The following NCR3LG1 variants were observed in gnomAD, a reference collection of about 807,000 sequenced individuals.
NCR3LG1 encodes the protein natural killer cell cytotoxicity receptor 3 ligand 1.
NCR3LG1 carries 35 observed loss-of-function variants against 34.8 expected under a neutral mutation model. The ratio of observed to expected loss-of-function variants is 1.01; its 90% CI spans 0.77 to 1.33. The LOEUF (loss-of-function observed/expected upper bound fraction) is 1.33, where lower values mean the gene tolerates loss of function less well. NCR3LG1 is among the 40% of genes most tolerant of loss of function. The pLI is 0.00. For missense variants in NCR3LG1, 452 were observed against 423.3 expected (o/e 1.07, Z -0.60); for synonymous variants, 173 against 163.6 (o/e 1.06, Z -0.44).
intron 2 of NCR3LG1, 67 bp downstream of exon 2, chr11:17,357,068 C>A (rs958402268): frequency 9.7e-7 from 1 of 1,032,284 alleles, no homozygotes; most frequent in Non-Finnish European, 1.4e-6. Flanking sequence ...AAAACCCACA[C>A]ACCTCTTTGA....
intron 1 of NCR3LG1, among the ~76,000 whole-genome samples, chr11:17,354,130 A>G (rs2139725115): frequency 6.6e-6 from 1 of 152,378 alleles, no homozygotes; most frequent in Non-Finnish European, 1.5e-5. Flanking sequence ...AGTTGAAAAG[A>G]GCAATTTGTA....
downstream of NCR3LG1, among the ~76,000 whole-genome samples, chr11:17,379,682 TC>T (rs1370892241): frequency 6.6e-6 from 1 of 152,196 alleles, no homozygotes; most frequent in African/African-American, 2.4e-5. Context: ...AAATCTGAGA[TC>T]AGCAGAGCTG....
rs1257084526 is a variant in NCR3LG1, at chr11:17,374,130, T to A, written c.*1618T>A. 6.6e-6 allele frequency: 1 copy of A among 152,180 alleles called. No individual in the cohort carries two copies. Among genetic ancestry groups the A allele is most frequent in the Non-Finnish European group, 1.5e-5 (1 of 68,034 alleles). 9.4% of individuals were successfully genotyped at this position (152,180 alleles called of 1,614,324 possible). ...AAATCCAATGGGGAAGGGAGACTAG[T>A]TCAGGACCTCTGCCTTATTCATGAG... is the stretch of plus-strand genomic sequence containing the variant. On this transcript the variant is annotated 3_prime_UTR_variant, in exon 5 of 5. Coordinates refer to ENST00000338965, the MANE Select transcript of NCR3LG1 (RefSeq NM_001202439.3).
At chr11:17,357,658 A>T (rs1459585125) in intron 2 of NCR3LG1, among the ~76,000 whole-genome samples, 1 of 13,508 alleles carries the variant, frequency 7.4e-5, no homozygotes, top group Admixed American at 9.5e-4. Context: ...CGGCCAACTG[A>T]CAGTGGCCGT....
chr11:17,380,020 A>G (rs921247500), downstream of NCR3LG1, among the ~76,000 whole-genome samples: 2 of 152,146 alleles, frequency 1.3e-5, no homozygotes, highest in African/African-American at 4.8e-5. Flanking sequence ...CCACTGACTG[A>G]GCAAGGCAGG....
At chr11:17,363,852 C>T (rs531190195) in intron 2 of NCR3LG1, among the ~76,000 whole-genome samples, 1 of 152,070 alleles carries the variant, frequency 6.6e-6, no homozygotes, top group African/African-American at 2.4e-5. Context: ...CTGCCTTGGT[C>T]TCTGAAAGTG....
downstream of NCR3LG1, among the ~76,000 whole-genome samples, chr11:17,380,102 T>C (rs1953506045): frequency 1.3e-5 from 2 of 152,220 alleles, no homozygotes; most frequent in South Asian, 4.1e-4. Flanking sequence ...ATCTCGGGGA[T>C]CTGGGGTGGC....
At chr11:17,363,937 G>C (rs183983049) in intron 2 of NCR3LG1, among the ~76,000 whole-genome samples, 1 of 152,076 alleles carries the variant, frequency 6.6e-6, no homozygotes, top group African/African-American at 2.4e-5. Flanking sequence ...ATGGCTAGAC[G>C]TGGATAGGCA....
rs1018346620 is a variant in NCR3LG1, at chr11:17,376,320, C to A, written c.*3808C>A. On this transcript the variant is annotated 3_prime_UTR_variant, in exon 5 of 5. Coordinates refer to ENST00000338965, the MANE Select transcript of NCR3LG1 (RefSeq NM_001202439.3). ...TAGTTAAATAATTCCTCACTTTGGGCTCCCTAAGTACTTCCAAAACAACAA... is the reference window on the plus strand; with the variant it reads ...TAGTTAAATAATTCCTCACTTTGGGATCCCTAAGTACTTCCAAAACAACAA... The A allele has an allele frequency of 2.6e-5, 4 of 152,164 alleles. No homozygotes were observed. The highest frequency in any genetic ancestry group is 9.7e-5 in the African/African-American group (4 of 41,438). 9.4% of individuals were successfully genotyped at this position (152,164 alleles called of 1,614,324 possible). A position where few individuals can be genotyped will look rare whatever the true frequency, so the allele number is the denominator to read the frequency against.
At chr11:17,357,954 G>A (rs370860806) in intron 2 of NCR3LG1, among the ~76,000 whole-genome samples, 5 of 152,140 alleles carry the variant, frequency 3.3e-5, no homozygotes, top group East Asian at 1.9e-4. Flanking sequence ...CCTTGTGCCC[G>A]GGCCTCTCAA....
chr11:17,354,020 T>C (rs940590310), intron 1 of NCR3LG1, among the ~76,000 whole-genome samples: 3 of 152,234 alleles, frequency 2.0e-5, no homozygotes, highest in Non-Finnish European at 4.4e-5. Flanking sequence ...CGTCAGATTT[T>C]AATGCAAGAG....
Position 17,356,911 on chromosome 11 carries a change from G to A in NCR3LG1, c.331G>A (p.Gly111Arg), listed in dbSNP as rs772210393. 6.5e-7 allele frequency: 1 copy of A among 1,536,138 alleles called. No individual in the cohort carries two copies. The highest frequency in any genetic ancestry group is 1.2e-5 in the South Asian group (1 of 84,058). The change falls in exon 2 of 5, where the codon GGA (glycine) becomes AGA (arginine). Residue 111 changes from glycine (G) to arginine (R), a missense_variant. Gly to Arg is a moderately radical substitution (Grantham distance 125). Coordinates refer to ENST00000338965, the MANE Select transcript of NCR3LG1 (RefSeq NM_001202439.3). The part of the protein sequence containing the change: ...KSGDASLRLP[G>R]IQLEEAGEYR... The stretch of plus-strand genomic sequence containing the variant: ...TGGGGACGCCTCACTGCGGCTGCCT[G>A]GAATCCAGCTGGAGGAAGCAGGAGA...
chr11:17,363,489 CTG>C (rs1953305444), intron 2 of NCR3LG1, among the ~76,000 whole-genome samples: 1 of 140,810 alleles, frequency 7.1e-6, no homozygotes, highest in Non-Finnish European at 1.5e-5. Flanking sequence ...TGACTTTTTT[CTG>C]TCTTTCTTTT....
chr11:17,378,937 C>T (rs549946444), downstream of NCR3LG1, among the ~76,000 whole-genome samples: 1 of 152,176 alleles, frequency 6.6e-6, no homozygotes, highest in South Asian at 2.1e-4. Context: ...GGAACAAAGC[C>T]ATATGGAGTA....
At chr11:17,366,922 G>A in intron 2 of NCR3LG1, 87 bp from the exon 3 acceptor site, 1 of 909,702 alleles carries the variant, frequency 1.1e-6, no homozygotes, top group Non-Finnish European at 1.6e-6. Flanking sequence ...ATAGCTGTGA[G>A]GGTATGGTAG....
At chr11:17,359,978 T>A (rs954791646) in intron 2 of NCR3LG1, among the ~76,000 whole-genome samples, 2 of 152,102 alleles carry the variant, frequency 1.3e-5, no homozygotes, top group Non-Finnish European at 1.5e-5. Context: ...TGCAGTGGTG[T>A]GATTACAGCT....
intron 2 of NCR3LG1, among the ~76,000 whole-genome samples, chr11:17,361,225 A>G (rs1953265836): frequency 6.6e-6 from 1 of 151,852 alleles, no homozygotes; most frequent in African/African-American, 2.4e-5. Context: ...TATCTGCAAA[A>G]TGGCTTTCCG....
chr11:17,355,643 A>G (rs192395997), intron 1 of NCR3LG1, among the ~76,000 whole-genome samples: 110 of 152,312 alleles, frequency 7.2e-4, no homozygotes, highest in African/African-American at 2.5e-3. Context: ...TTTATTTCTC[A>G]TGATTCTGGA....
At chr11:17,352,105 TC>T in intron 1 of NCR3LG1, 66 bp downstream of exon 1, 1 of 1,100,578 alleles carries the variant, frequency 9.1e-7, no homozygotes. Context: ...GCGGGTCGGC[TC>T]CCTAGCATCC....
Sources: gnomAD v4.1 joint callset for allele counts (sites outside exome capture counted in the v4.1 genomes callset) on GRCh38, gnomAD v4.1.1 for gene constraint, MANE v1.5 for transcripts, NCBI Gene and HGNC (gene_info 2026-07-23, HGNC 2026-07-21) for gene names.